Variants in MLLT3 observed in about 807,000 individuals in gnomAD.
The protein encoded by MLLT3 is MLLT3 super elongation complex subunit.
MLLT3 carries 4 observed loss-of-function variants against 53.2 expected under a neutral mutation model. The observed-to-expected ratio is 0.08, with a 90% confidence interval of 0.04 to 0.17. The LOEUF is 0.17. MLLT3 is among the 10% of genes least tolerant of loss of function. The pLI, the probability that MLLT3 is intolerant of heterozygous loss-of-function variation, is 1.00. For synonymous variants in MLLT3, 283 were observed against 230.6 expected (o/e 1.23, Z -2.06); for missense variants, 569 against 684.0 (o/e 0.83, Z 1.87).
At chr9:20,590,428 TG>T (rs929861733) in intron 2 of MLLT3, among the ~76,000 whole-genome samples, 2 of 152,216 alleles carry the variant, frequency 1.3e-5, no homozygotes, top group African/African-American at 4.8e-5. Flanking sequence ...GATTAGACCA[TG>T]GGGGCAGTTT....
At chr9:20,572,203 A>C (rs775766197) in intron 2 of MLLT3, among the ~76,000 whole-genome samples, 11 of 152,188 alleles carry the variant, frequency 7.2e-5, no homozygotes, top group Admixed American at 1.3e-4. Flanking sequence ...TACCAGGGGC[A>C]GGGACAGAGG....
chr9:20,572,140 G>T (rs1819546628), intron 2 of MLLT3, among the ~76,000 whole-genome samples: 1 of 152,136 alleles, frequency 6.6e-6, no homozygotes, highest in Non-Finnish European at 1.5e-5. Context: ...AATCCCACTT[G>T]TATGTGGAAT....
intron 2 of MLLT3, among the ~76,000 whole-genome samples, chr9:20,537,735 A>C (rs1587042277): frequency 6.6e-6 from 1 of 152,178 alleles, no homozygotes; most frequent in East Asian, 1.9e-4. Context: ...ACTACCATTA[A>C]ATTTATAAAC....
intron 2 of MLLT3, among the ~76,000 whole-genome samples, chr9:20,587,186 CAAAAA>C (rs11393182): frequency 1.9e-5 from 2 of 106,250 alleles, no homozygotes; most frequent in Admixed American, 1.0e-4. Context: ...ATAGCTAGGC[CAAAAA>C]AAAAAAAAAA....
rs1022461448 is a variant in MLLT3, at chr9:20,448,977, G to C, written c.277-711C>G. Among the ~76,000 whole-genome samples, 5 of 152,016 alleles carry C rather than the reference G, an allele frequency of 3.3e-5. No homozygotes were observed. Among genetic ancestry groups the C allele is most frequent in the African/African-American group, 1.2e-4 (5 of 41,374 alleles). On this transcript the variant is annotated intron_variant, in intron 3 of 10. Coordinates refer to ENST00000380338, the MANE Select transcript of MLLT3 (RefSeq NM_004529.4). This position sits in a 1 kb window ranked among gnomAD's most constrained non-coding sequence, Gnocchi z 4.0. ...CCTACTGTGTTCTAGGTTACCTCTGGTTTCATTCTTGCTTTGCATTACTAC... is the reference window on the plus strand; with the variant it reads ...CCTACTGTGTTCTAGGTTACCTCTGCTTTCATTCTTGCTTTGCATTACTAC...
At chr9:20,398,063 TTTCA>T (rs970799597) in intron 5 of MLLT3, among the ~76,000 whole-genome samples, 2 of 152,118 alleles carry the variant, frequency 1.3e-5, no homozygotes, top group African/African-American at 4.8e-5. Context: ...TTTTGCATTT[TTTCA>T]TTCATTCTTC....
At chr9:20,512,888 T>G (rs1817793930) in intron 2 of MLLT3, among the ~76,000 whole-genome samples, 1 of 152,264 alleles carries the variant, frequency 6.6e-6, no homozygotes, top group Non-Finnish European at 1.5e-5. Context: ...TTGCCCATTT[T>G]GCAACACAAG....
chr9:20,545,337 A>G (rs1011484291), intron 2 of MLLT3, among the ~76,000 whole-genome samples: 7 of 152,166 alleles, frequency 4.6e-5, no homozygotes, highest in African/African-American at 1.7e-4. Context: ...TCCCACTTAC[A>G]TGAGGCATTT....
chr9:20,500,301 T>C (rs1024970773), intron 2 of MLLT3, among the ~76,000 whole-genome samples: 5 of 152,220 alleles, frequency 3.3e-5, no homozygotes, highest in Admixed American at 1.3e-4. Flanking sequence ...TCTGAGCAGC[T>C]GGACTGCTTA....
intron 2 of MLLT3, among the ~76,000 whole-genome samples, chr9:20,458,752 T>C (rs139112504): frequency 6.6e-6 from 1 of 152,288 alleles, no homozygotes; most frequent in Non-Finnish European, 1.5e-5. Context: ...TTGTGTTGTT[T>C]ATAAGCCATC....
chr9:20,523,882 G>A (rs1013435554), intron 2 of MLLT3, among the ~76,000 whole-genome samples: 2 of 151,650 alleles, frequency 1.3e-5, no homozygotes, highest in African/African-American at 4.9e-5. Flanking sequence ...GAAATGGGAA[G>A]TTCGCTTGAG....
chr9:20,382,163 T>C (rs1821923936), intron 5 of MLLT3, among the ~76,000 whole-genome samples: 2 of 151,864 alleles, frequency 1.3e-5, no homozygotes, highest in Admixed American at 1.3e-4. Context: ...TATATGCACA[T>C]TAATCATCTA....
rs138706862 is a variant in MLLT3 at position 20,380,681 on chromosome 9, T to C, written c.1126-14937A>G. ...TTTTATCCACTACACTTAAACACCA[T>C]AGACCGAAAAGCAAGGAGAAAACAC... On this transcript the variant is annotated intron_variant, in intron 5 of 10. Transcript: ENST00000380338. Among the ~76,000 whole-genome samples the C allele has an allele frequency of 9.1e-3, 1,391 of 152,074 alleles. 16 individuals are homozygous for C. The highest frequency in any genetic ancestry group is 0.031 in the African/African-American group (1,301 of 41,510).
intron 2 of MLLT3, among the ~76,000 whole-genome samples, chr9:20,607,067 C>T (rs1327076401): frequency 2.0e-5 from 3 of 152,010 alleles, no homozygotes; most frequent in Non-Finnish European, 2.9e-5. Flanking sequence ...TGTACACTAT[C>T]GTCATCTACC....
rs545915798 is a variant in MLLT3 at position 20,622,193 on chromosome 9, C to T, written c.12+52G>A. Reference sequence around the variant, plus strand: ...CTGTCTGGGCTGCGGCGGCGCAGGGCGAGGAAGGAAAGTGGGGGAGGGCTT... The same window carrying T: ...CTGTCTGGGCTGCGGCGGCGCAGGGTGAGGAAGGAAAGTGGGGGAGGGCTT... On this transcript the variant is annotated intron_variant, in intron 1 of 10. Coordinates refer to ENST00000380338, the MANE Select transcript of MLLT3 (RefSeq NM_004529.4). The T allele has an allele frequency of 1.5e-5, 23 of 1,543,056 alleles. No individual in the cohort carries two copies. The South Asian group carries it at 2.6e-4, about 17-fold the overall frequency.
rs112682226 is a variant in MLLT3, at chr9:20,620,450, C to A, written c.193+204G>T. Among the ~76,000 whole-genome samples the A allele has an allele frequency of 0.024, 3,644 of 150,962 alleles. 171 individuals are homozygous for A. Among genetic ancestry groups the A allele is most frequent in the African/African-American group, 0.082 (3,399 of 41,310 alleles). ...TCGACACCTGACGGTCCTTTCTCTG[C>A]GGTGACTTTCACCAAGCCGAAGTGG... is the stretch of plus-strand genomic sequence containing the variant. On this transcript the variant is annotated intron_variant, in intron 2 of 10. Coordinates refer to ENST00000380338, the MANE Select transcript of MLLT3 (RefSeq NM_004529.4). The surrounding 1 kb of genome is among the most constrained non-coding windows in gnomAD (Gnocchi z 6.1).
At chr9:20,548,462 A>G (rs1818844808) in intron 2 of MLLT3, among the ~76,000 whole-genome samples, 1 of 152,216 alleles carries the variant, frequency 6.6e-6, no homozygotes, top group South Asian at 2.1e-4. Flanking sequence ...TAAGTTTTCC[A>G]GGGGGGTGCT....
At chr9:20,499,191 C>T (rs1442659456) in intron 2 of MLLT3, among the ~76,000 whole-genome samples, 2 of 152,154 alleles carry the variant, frequency 1.3e-5, no homozygotes, top group Non-Finnish European at 2.9e-5. Context: ...AGACAGCAGT[C>T]ACTGGACTTG....
intron 5 of MLLT3, among the ~76,000 whole-genome samples, chr9:20,366,743 G>C (rs1248874890): frequency 6.6e-6 from 1 of 152,150 alleles, no homozygotes; most frequent in East Asian, 1.9e-4. Context: ...ATTCTAACTG[G>C]TGTGAGAGGA....
Sources: gnomAD v4.1 joint callset for allele counts (sites outside exome capture counted in the v4.1 genomes callset) on GRCh38, gnomAD v4.1.1 for gene constraint, Gnocchi (gnomAD v3.1) non-coding constraint, MANE v1.5 for transcripts, NCBI Gene and HGNC (gene_info 2026-07-23, HGNC 2026-07-21) for gene names.